Variants in SEPTIN7 observed in about 807,000 individuals in gnomAD.
SEPTIN7 encodes septin 7.
SEPTIN7 carries 10 observed loss-of-function variants against 63.3 expected under a neutral mutation model. The ratio of observed to expected loss-of-function variants is 0.16; its 90% CI spans 0.10 to 0.27. The LOEUF (loss-of-function observed/expected upper bound fraction) is 0.27, where lower values mean the gene tolerates loss of function less well. Among genes scored for constraint, SEPTIN7 ranks in the 10% least tolerant of loss-of-function variants. SEPTIN7 has a pLI of 1.00. For missense variants in SEPTIN7, 310 were observed against 521.0 expected (o/e 0.59, Z 3.94); for synonymous variants, 131 against 165.3 (o/e 0.79, Z 1.59).
chr7:35,844,776 T>C (rs1197950141), intron 3 of SEPTIN7, among the ~76,000 whole-genome samples: 1 of 152,162 alleles, frequency 6.6e-6, no homozygotes, highest in Non-Finnish European at 1.5e-5. Flanking sequence ...CTAATTTTTG[T>C]ATTTTTAGTA....
rs371564732 is a variant in SEPTIN7 at position 35,840,130 on chromosome 7, C to T, written c.169+7230C>T. Among the ~76,000 whole-genome samples, 720 of 119,986 alleles carry T rather than the reference C, an allele frequency of 6.0e-3. 8 individuals are homozygous for T. The highest frequency in any genetic ancestry group is 0.055 in the South Asian group (159 of 2,870). 78.7% of individuals were successfully genotyped at this position (119,986 alleles called of 152,430 possible). Reference sequence around the variant, plus strand: ...TTTCTTTTTTTACCTTCCCTTTTTCCCCTTCCCCCTTCCTCCTTCCCCCTT... The same window carrying T: ...TTTCTTTTTTTACCTTCCCTTTTTCTCCTTCCCCCTTCCTCCTTCCCCCTT... On this transcript the variant is annotated intron_variant, in intron 3 of 13. Transcript: ENST00000350320.
intron 10 of SEPTIN7, among the ~76,000 whole-genome samples, chr7:35,889,997 A>G (rs776633374): frequency 3.3e-5 from 5 of 152,208 alleles, no homozygotes; most frequent in Non-Finnish European, 7.3e-5. Context: ...ATCCAAGAAC[A>G]CTACATTGGT....
rs147540856 is a variant in SEPTIN7, at chr7:35,895,278, G to A, written c.999-2970G>A. 8.6e-5 allele frequency among the ~76,000 whole-genome samples: 13 copies of A among 151,954 alleles called. No individual in the cohort carries two copies. The South Asian group carries it at 1.9e-3, about 22-fold the overall frequency. ...CATTATAAGCACAATTTTTTGTTTC[G>A]ATTTTCTAAAAATAAAGATGACTAG... On this transcript the variant is annotated intron_variant, in intron 11 of 13. Transcript: ENST00000350320.
intron 3 of SEPTIN7, among the ~76,000 whole-genome samples, chr7:35,841,216 T>G (rs1784393120): frequency 6.6e-6 from 1 of 151,928 alleles, no homozygotes; most frequent in African/African-American, 2.4e-5. Flanking sequence ...GTGAGTGAGA[T>G]TCTGTCTCAA....
chr7:35,839,246 T>G (rs1454425677), intron 3 of SEPTIN7, among the ~76,000 whole-genome samples: 1 of 151,984 alleles, frequency 6.6e-6, no homozygotes, highest in East Asian at 1.9e-4. Context: ...AAAAGGAAAA[T>G]AAAGACTTAG....
At chr7:35,863,430 G>A (rs1384789690) in intron 3 of SEPTIN7, 122 bp from the exon 4 acceptor site, 2 of 595,514 alleles carry the variant, frequency 3.4e-6, no homozygotes, top group Non-Finnish European at 5.9e-6. Flanking sequence ...ATTTTCTAAT[G>A]TCATTTCATT....
At chr7:35,807,843 T>G (rs1463853331) in intron 1 of SEPTIN7, among the ~76,000 whole-genome samples, 2 of 151,824 alleles carry the variant, frequency 1.3e-5, no homozygotes, top group African/African-American at 4.8e-5. Flanking sequence ...TTGTTTTGTT[T>G]TTTTGAGACG....
chr7:35,828,741 C>T (rs1021490630), intron 1 of SEPTIN7, among the ~76,000 whole-genome samples: 7 of 152,162 alleles, frequency 4.6e-5, no homozygotes, highest in Non-Finnish European at 8.8e-5. Flanking sequence ...ATCTGCATGG[C>T]GATGATTCCT....
At chr7:35,841,617 G>GT (rs879873999) in intron 3 of SEPTIN7, among the ~76,000 whole-genome samples, 6 of 152,180 alleles carry the variant, frequency 3.9e-5, no homozygotes, top group Non-Finnish European at 5.9e-5. Flanking sequence ...TAGGTGGACT[G>GT]AAGTAAAAAT....
chr7:35,884,704 G>A (rs1389224113), intron 9 of SEPTIN7, among the ~76,000 whole-genome samples: 1 of 152,092 alleles, frequency 6.6e-6, no homozygotes, highest in Non-Finnish European at 1.5e-5. Flanking sequence ...TTTCCTCAGT[G>A]CAAAAGTTGC....
intron 1 of SEPTIN7, among the ~76,000 whole-genome samples, chr7:35,810,794 G>A (rs1457785962): frequency 6.7e-6 from 1 of 149,546 alleles, no homozygotes; most frequent in Non-Finnish European, 1.5e-5. Context: ...TGAGACAGAG[G>A]CTCGCTCTGT....
intron 1 of SEPTIN7, among the ~76,000 whole-genome samples, chr7:35,827,232 G>A (rs1315918325): frequency 6.6e-6 from 1 of 152,050 alleles, no homozygotes; most frequent in Non-Finnish European, 1.5e-5. Context: ...AAAGACCTAG[G>A]GGTATTTTTG....
chr7:35,880,196 C>CTTTTCTCTTT (rs1786751719), intron 7 of SEPTIN7, among the ~76,000 whole-genome samples: 1 of 79,582 alleles, frequency 1.3e-5, no homozygotes, highest in African/African-American at 5.0e-5. Flanking sequence ...TTTTTCTTTT[C>CTTTTCTCTTT]TCTTTTCTTT....
chr7:35,803,316 C>G (rs1187131853), intron 1 of SEPTIN7, among the ~76,000 whole-genome samples: 1 of 152,152 alleles, frequency 6.6e-6, no homozygotes, highest in Non-Finnish European at 1.5e-5. Context: ...AACTTCTGAA[C>G]AAGTCTGAGG....
At chr7:35,891,819 T>C (rs1402920368) in intron 11 of SEPTIN7, among the ~76,000 whole-genome samples, 3 of 152,234 alleles carry the variant, frequency 2.0e-5, no homozygotes, top group African/African-American at 2.4e-5. Flanking sequence ...TTGGTTCTTT[T>C]GTAGTAACAC....
intron 3 of SEPTIN7, chr7:35,846,908 A>G (rs553320817): frequency 1.3e-5 from 2 of 152,348 alleles, no homozygotes; most frequent in African/African-American, 4.8e-5. Flanking sequence ...ACTCAAGCAG[A>G]AAGGTGAACA....
chr7:35,877,592 G>A (rs1381972579), intron 6 of SEPTIN7, among the ~76,000 whole-genome samples: 1 of 152,066 alleles, frequency 6.6e-6, no homozygotes, highest in African/African-American at 2.4e-5. Flanking sequence ...ACTTTAGAAT[G>A]GTAGTCCTTT....
intron 3 of SEPTIN7, among the ~76,000 whole-genome samples, chr7:35,843,279 T>C (rs1784498118): frequency 6.6e-6 from 1 of 152,180 alleles, no homozygotes; most frequent in African/African-American, 2.4e-5. Flanking sequence ...GCAAGGCCAT[T>C]CTTCTCATGT....
chr7:35,803,264 C>T (rs1788115063), intron 1 of SEPTIN7: 1 of 385,994 alleles, frequency 2.6e-6, no homozygotes, highest in Non-Finnish European at 3.5e-6. Flanking sequence ...TTCAGATTTG[C>T]ACATTGTCCC....
Sources: gnomAD v4.1 joint callset for allele counts (sites outside exome capture counted in the v4.1 genomes callset) on GRCh38, gnomAD v4.1.1 for gene constraint, MANE v1.5 for transcripts, NCBI Gene and HGNC (gene_info 2026-07-23, HGNC 2026-07-21) for gene names.